Variants in LRBA observed in about 807,000 individuals in gnomAD.
LRBA encodes the protein LPS responsive beige-like anchor protein.
Under a neutral mutation model 330.0 loss-of-function variants are expected in LRBA, and 176 were observed. The ratio of observed to expected loss-of-function variants is 0.53; its 90% CI spans 0.47 to 0.60. LRBA has a LOEUF of 0.60. LRBA is among the 20% of genes least tolerant of loss of function. LRBA has a pLI of 0.00. For synonymous variants in LRBA, 1,230 were observed against 1,193.0 expected, an observed-to-expected ratio of 1.03 and a Z score of -0.64; for missense variants, 3,259 against 3,444.8, an observed-to-expected ratio of 0.95 and a Z score of 1.35.
chr4:150,712,538 T>C (rs981903258), intron 36 of LRBA, among the ~76,000 whole-genome samples: 14 of 152,174 alleles, frequency 9.2e-5, no homozygotes, highest in African/African-American at 3.4e-4. Context: ...AAGTTTACAA[T>C]TTTTTCTCCA....
At chr4:150,871,580 C>G in intron 18 of LRBA, 127 bp from the exon 19 acceptor site, 2 of 578,800 alleles carry the variant, frequency 3.5e-6, no homozygotes, top group South Asian at 2.3e-5. Context: ...CAATTACTCT[C>G]CCAACTATCT....
intron 2 of LRBA, among the ~76,000 whole-genome samples, chr4:150,962,149 T>G (rs1415020771): frequency 6.7e-6 from 1 of 149,470 alleles, no homozygotes; most frequent in Non-Finnish European, 1.5e-5. Flanking sequence ...AGCATTAAAT[T>G]GGAATTCAAT....
At chr4:150,873,074 C>A (rs1163566722) in intron 17 of LRBA, among the ~76,000 whole-genome samples, 1 of 152,034 alleles carries the variant, frequency 6.6e-6, no homozygotes, top group Non-Finnish European at 1.5e-5. Context: ...CTGAAGGTTA[C>A]CAACTTGTTA....
chr4:150,808,250 A>G, intron 32 of LRBA, 70 bp downstream of exon 32: 1 of 960,696 alleles, frequency 1.0e-6, no homozygotes, highest in Non-Finnish European at 1.6e-6. Flanking sequence ...ACGAAGTAAA[A>G]TAAACCTAGA....
chr4:150,750,031 C>A (rs1277725820), intron 35 of LRBA, among the ~76,000 whole-genome samples: 1 of 152,106 alleles, frequency 6.6e-6, no homozygotes, highest in Non-Finnish European at 1.5e-5. Context: ...TGTTTCCTTG[C>A]CTTAAAATGT....
At chr4:150,488,757 C>A (rs1429611503) in intron 41 of LRBA, among the ~76,000 whole-genome samples, 3 of 144,630 alleles carry the variant, frequency 2.1e-5, no homozygotes, top group Non-Finnish European at 1.5e-5. Context: ...TATTTAAAGC[C>A]AAAAAAAAAA....
rs1254812433 is a variant in LRBA at position 150,338,317 on chromosome 4, TTTAA to T, written c.7362+11671_7362+11674del. Among the ~76,000 whole-genome samples the T allele has an allele frequency of 5.9e-5, 9 of 152,142 alleles. No individual in the cohort carries two copies. In the South Asian group the frequency reaches 8.3e-4, roughly 14 times the overall value. On this transcript the variant is annotated intron_variant, in intron 48 of 56. Transcript: ENST00000651943. ...CCATTTTCAAAAGGAAATTTAAAACTTTAATTAATTTCTGAACTCACATAAACAT... is the reference window on the plus strand; with the variant it reads ...CCATTTTCAAAAGGAAATTTAAAACTTTAATTTCTGAACTCACATAAACAT...
chr4:150,420,378 C>T (rs557194909), intron 46 of LRBA, among the ~76,000 whole-genome samples: 10 of 128,086 alleles, frequency 7.8e-5, no homozygotes, highest in Non-Finnish European at 1.3e-4. Context: ...ATATATAATA[C>T]ACATTATAGT....
chr4:150,645,858 C>G (rs1452794891), intron 37 of LRBA, among the ~76,000 whole-genome samples: 1 of 151,706 alleles, frequency 6.6e-6, no homozygotes, highest in Non-Finnish European at 1.5e-5. Context: ...GCAACAGTAA[C>G]TATGAACCCC....
rs117917978 is a variant in LRBA at position 150,956,314 on chromosome 4, G to A, written c.217-27249C>T. On this transcript the variant is annotated intron_variant, in intron 2 of 56. Coordinates refer to ENST00000651943, the MANE Select transcript of LRBA (RefSeq NM_001364905.1). ...CAGAGGGATACAAACTACAGAAACT[G>A]ACTCAAAAAGAAATACAAAATACAA... 3.4e-5 allele frequency among the ~76,000 whole-genome samples: 5 copies of A among 148,172 alleles called. No homozygotes were observed. In the South Asian group the frequency reaches 8.4e-4, roughly 25 times the overall value.
chr4:150,361,207 G>A (rs1314118860), intron 47 of LRBA, among the ~76,000 whole-genome samples: 2 of 152,096 alleles, frequency 1.3e-5, no homozygotes, highest in Non-Finnish European at 2.9e-5. Flanking sequence ...ATAACATTCT[G>A]ATTCCCAAAA....
intron 17 of LRBA, among the ~76,000 whole-genome samples, chr4:150,892,425 G>C (rs1011939379): frequency 6.6e-6 from 1 of 152,176 alleles, no homozygotes; most frequent in Non-Finnish European, 1.5e-5. Context: ...TGTAAGAAGA[G>C]ACACGAGAGA....
chr4:150,542,157 T>A lies in LRBA; in HGVS notation c.6330+45891A>T, dbSNP rs182854800. Among the ~76,000 whole-genome samples, 22 of 152,284 alleles carry A rather than the reference T, an allele frequency of 1.4e-4. No homozygotes were observed. In the East Asian group the frequency reaches 2.3e-3, roughly 16 times the overall value. On this transcript the variant is annotated intron_variant, in intron 40 of 56. Transcript: ENST00000651943. ...GAAATCAATCTCAAACAAAAATGGG[T>A]TCATTGCCTCACAAGTGTCTCTAAA...
At chr4:150,772,195 A>C (rs1736673319) in intron 34 of LRBA, among the ~76,000 whole-genome samples, 1 of 152,312 alleles carries the variant, frequency 6.6e-6, no homozygotes, top group East Asian at 1.9e-4. Flanking sequence ...ACTACAGTCC[A>C]TCAGGGATGT....
At chr4:151,010,747 G>A (rs986814114) in intron 2 of LRBA, among the ~76,000 whole-genome samples, 1 of 151,986 alleles carries the variant, frequency 6.6e-6, no homozygotes, top group South Asian at 2.1e-4. Context: ...AGCCGGGCAT[G>A]GTGGTGCGTG....
At position 150,588,203 on chromosome 4, in the gene LRBA, A is replaced by G. The variant is rs150948009; in HGVS notation, c.6194-19T>C. 1.1e-5 allele frequency: 17 copies of G among 1,559,944 alleles called. No homozygotes were observed. In the African/African-American group the frequency reaches 1.5e-4, roughly 14 times the overall value. On this transcript the variant is annotated intron_variant, in intron 39 of 56. Coordinates refer to ENST00000651943, the MANE Select transcript of LRBA (RefSeq NM_001364905.1). ...ACAGGACCTGCCAAAAGGAAAAGACAAGCCACACAAGTTGGAATGACATTT... is the reference window on the plus strand; with the variant it reads ...ACAGGACCTGCCAAAAGGAAAAGACGAGCCACACAAGTTGGAATGACATTT...
At chr4:150,623,396 C>A (rs2126638099) in intron 37 of LRBA, among the ~76,000 whole-genome samples, 3 of 152,118 alleles carry the variant, frequency 2.0e-5, no homozygotes, top group Admixed American at 2.0e-4. Flanking sequence ...AAATGTCCAC[C>A]AGTAGAAAAG....
At chr4:150,772,858 A>G (rs559249562) in intron 34 of LRBA, among the ~76,000 whole-genome samples, 3 of 152,264 alleles carry the variant, frequency 2.0e-5, no homozygotes, top group Non-Finnish European at 2.9e-5. Context: ...CTTTTCAGGT[A>G]ACTCAGAAAA....
At chr4:150,609,716 T>G (rs1393324628) in intron 37 of LRBA, among the ~76,000 whole-genome samples, 1 of 152,162 alleles carries the variant, frequency 6.6e-6, no homozygotes, top group Non-Finnish European at 1.5e-5. Context: ...TGATCTCCTC[T>G]TCAAAAATTT....
Sources: gnomAD v4.1 joint callset for allele counts (sites outside exome capture counted in the v4.1 genomes callset) on GRCh38, gnomAD v4.1.1 for gene constraint, MANE v1.5 for transcripts, NCBI Gene and HGNC (gene_info 2026-07-23, HGNC 2026-07-21) for gene names.